The following MFSD2A variants were observed in gnomAD, a reference collection of about 807,000 sequenced individuals.
The protein encoded by MFSD2A is sodium-dependent lysophosphatidylcholine symporter 1.
A neutral mutation model predicts 64.7 loss-of-function variants in MFSD2A; 27 were observed. The observed-to-expected ratio is 0.42, with a 90% CI of 0.31 to 0.58. The LOEUF (loss-of-function observed/expected upper bound fraction) is 0.58. Among genes scored for constraint, MFSD2A ranks in the 20% least tolerant of loss-of-function variants. The pLI is 0.18. For missense variants in MFSD2A, 474 were observed against 679.5 expected (o/e 0.70, Z 3.36); for synonymous variants, 258 against 273.4 (o/e 0.94, Z 0.55).
intron 3 of MFSD2A, among the ~76,000 whole-genome samples, chr1:39,959,323 C>G (rs1644988128): frequency 1.3e-5 from 2 of 151,654 alleles, no homozygotes; most frequent in South Asian, 4.2e-4. Context: ...TCATAACTCA[C>G]TGCAGCCTAG....
rs762141955 is a variant in MFSD2A, at chr1:39,968,573, G to T, written c.1357G>T (p.Ala453Ser). 12 of 1,614,152 alleles carry T rather than the reference G, an allele frequency of 7.4e-6. No homozygotes were observed. The highest frequency in any genetic ancestry group is 1.0e-5 in the Non-Finnish European group (12 of 1,180,024). The change falls in exon 13 of 14, where the codon GCA (alanine) becomes TCA (serine). Residue 453 changes from alanine to serine, a missense_variant. By Grantham distance (99) the Ala-to-Ser change is moderately conservative. Coordinates refer to ENST00000372811, the MANE Select transcript of MFSD2A (RefSeq NM_032793.5). The surrounding 1 kb of genome is among the most constrained non-coding windows in gnomAD (Gnocchi z 4.4). ...CCTACCCCCTGGGTCCCATAGCTTT[G>T]CAGGGTACCAGACCCGTGGCTGCTC... ...LGISTLSLDF[A>S]GYQTRGCSQP...
Position 39,966,840 on chromosome 1 carries a change from A to G in MFSD2A, c.835A>G (p.Ile279Val), listed in dbSNP as rs769228171. ...EPYEAQQSEP[I>V]AYFRGLRLVM... Reference sequence around the variant, plus strand: ...CTATGAAGCCCAGCAGTCTGAGCCAATCGCCTACTTCCGGGGCCTACGGCT... The same window carrying G: ...CTATGAAGCCCAGCAGTCTGAGCCAGTCGCCTACTTCCGGGGCCTACGGCT... The change falls in exon 8 of 14, where the codon ATC becomes GTC. Residue 279 changes from isoleucine to valine, a missense_variant. By Grantham distance (29) the Ile-to-Val change is conservative (BLOSUM62 3). Transcript: ENST00000372811. 1.2e-6 allele frequency: 2 copies of G among 1,613,916 alleles called. No individual in the cohort carries two copies. Among genetic ancestry groups the G allele is most frequent in the African/African-American group, 1.3e-5 (1 of 74,896 alleles).
chr1:39,969,194 C>T (rs1301056317), intron 13 of MFSD2A, among the ~76,000 whole-genome samples: 1 of 152,210 alleles, frequency 6.6e-6, no homozygotes, highest in East Asian at 1.9e-4. Context: ...CATCAGCCTC[C>T]TGGCATATAG....
intron 1 of MFSD2A, 26 bp from the exon 2 acceptor site, chr1:39,957,061 C>T: frequency 1.2e-6 from 2 of 1,613,548 alleles, no homozygotes; most frequent in East Asian, 4.5e-5. Flanking sequence ...AACCTTGGGC[C>T]TTTCATCTTT....
chr1:39,961,872 C>A (rs755222926), intron 3 of MFSD2A, among the ~76,000 whole-genome samples: 14 of 152,126 alleles, frequency 9.2e-5, no homozygotes, highest in Non-Finnish European at 1.8e-4. Context: ...GTGTGAGAGA[C>A]CAGATGTCAA....
chr1:39,968,268 CT>C lies in MFSD2A; in HGVS notation c.1209-65del. 6.2e-7 allele frequency: 1 copy of C among 1,605,172 alleles called. No homozygotes were observed. Among genetic ancestry groups the C allele is most frequent in the East Asian group, 2.2e-5 (1 of 44,770 alleles). On this transcript the variant is annotated intron_variant, in intron 11 of 13. Transcript: ENST00000372811. The surrounding 1 kb of genome is among the most constrained non-coding windows in gnomAD (Gnocchi z 4.4). ...GTACTGCAAGCTTCCAGAGGGCCAC[CT>C]CTTCTCATTAACACAGAGGCCCGTT...
intron 3 of MFSD2A, among the ~76,000 whole-genome samples, chr1:39,962,232 T>C (rs941590231): frequency 6.6e-6 from 1 of 152,306 alleles, no homozygotes. Flanking sequence ...CGCACCTATC[T>C]GAAGACCTTT....
At chr1:39,957,451 G>C (rs1270687465) in intron 2 of MFSD2A, among the ~76,000 whole-genome samples, 2 of 152,224 alleles carry the variant, frequency 1.3e-5, no homozygotes, top group African/African-American at 2.4e-5. Context: ...ACTCCTCCTT[G>C]CCTGGCATGA....
At position 39,965,757 on chromosome 1, in the gene MFSD2A, C is replaced by G; in HGVS notation, c.557-100C>G. On this transcript the variant is annotated intron_variant, in intron 5 of 13. Coordinates refer to ENST00000372811, the MANE Select transcript of MFSD2A (RefSeq NM_032793.5). The surrounding 1 kb of genome is among the most constrained non-coding windows in gnomAD (Gnocchi z 5.5). ...TCACCTACCCCACTACCTCTACCCA[C>G]CCTGCCTGGAGCTACCGCTGGGCTC... The G allele has an allele frequency of 6.7e-7, 1 of 1,491,694 alleles. No individual in the cohort carries two copies. Among genetic ancestry groups the G allele is most frequent in the Non-Finnish European group, 9.2e-7 (1 of 1,088,144 alleles). 92.4% of individuals were successfully genotyped at this position (1,491,694 alleles called of 1,614,324 possible).
At position 39,955,364 on chromosome 1, in the gene MFSD2A, T is replaced by C; in HGVS notation, c.72T>C (p.Thr24=). 1 of 1,495,250 alleles carries C rather than the reference T, an allele frequency of 6.7e-7. No homozygotes were observed. Among genetic ancestry groups the C allele is most frequent in the South Asian group, 1.4e-5 (1 of 73,098 alleles). The allele number at this position is 1,495,250 out of a possible 1,614,324, so 92.6% of individuals were successfully genotyped here. A position where few individuals can be genotyped will look rare whatever the true frequency, so the allele number is the denominator to read the frequency against. ...GLLPTSILQS[T]ERPAQVKKEP... is the part of the protein sequence containing the mutation. ...TACCCACCAGCATCCTCCAAAGCAC[T>C]GAACGCCCGGCCCAGGTGAAGGTGA... The change falls in exon 1 of 14, where the codon ACT becomes ACC. Residue 24 remains threonine, a synonymous_variant. Coordinates refer to ENST00000372811, the MANE Select transcript of MFSD2A (RefSeq NM_032793.5). This position sits in a 1 kb window ranked among gnomAD's most constrained non-coding sequence, Gnocchi z 5.9.
rs949238583 is a variant in MFSD2A at position 39,968,741 on chromosome 1, C to T, written c.1525C>T (p.Leu509=). Residue 509 remains leucine, a synonymous_variant, in exon 13 of 14, where the codon CTG becomes TTG. Coordinates refer to ENST00000372811, the MANE Select transcript of MFSD2A (RefSeq NM_032793.5). The surrounding 1 kb of genome is among the most constrained non-coding windows in gnomAD (Gnocchi z 4.4). Reference sequence around the variant, plus strand: ...GCAGAATAAGAAGGCCCTGCAGGCACTGAGGTGAGTGGGGAGGGGACAGGA... The same window carrying T: ...GCAGAATAAGAAGGCCCTGCAGGCATTGAGGTGAGTGGGGAGGGGACAGGA... ...RRQNKKALQA[L]RDEASSSGCS... 2 of 1,613,984 alleles carry T rather than the reference C, an allele frequency of 1.2e-6. No homozygotes were observed. The highest frequency in any genetic ancestry group is 1.1e-5 in the South Asian group (1 of 91,082).
Position 39,968,636 on chromosome 1 carries a change from G to T in MFSD2A, c.1420G>T (p.Val474Leu). The T allele has an allele frequency of 6.2e-7, 1 of 1,614,184 alleles. No homozygotes were observed. The highest frequency in any genetic ancestry group is 8.5e-7 in the Non-Finnish European group (1 of 1,180,030). Residue 474 changes from valine (V) to leucine (L), a missense_variant, in exon 13 of 14, where the codon GTG becomes TTG. Physicochemically the swap from Val to Leu is conservative, Grantham distance 32. Coordinates refer to ENST00000372811, the MANE Select transcript of MFSD2A (RefSeq NM_032793.5). This position sits in a 1 kb window ranked among gnomAD's most constrained non-coding sequence, Gnocchi z 4.4. ...TGTCAAGTTTACACTGAACATGCTC[G>T]TGACCATGGCTCCCATAGTTCTCAT... ...ERVKFTLNML[V>L]TMAPIVLILL...
intron 3 of MFSD2A, among the ~76,000 whole-genome samples, chr1:39,961,689 A>G (rs1328434579): frequency 1.3e-5 from 2 of 151,318 alleles, no homozygotes; most frequent in African/African-American, 2.4e-5. Flanking sequence ...AAAAAAACAC[A>G]TATATAGAGA....
chr1:39,968,894 TA>T lies in MFSD2A; in HGVS notation c.1529+151del, dbSNP rs1371165427. The stretch of plus-strand genomic sequence containing the variant: ...CTTAAGTACGCACCAGGCACTGTGT[TA>T]AGTGGTCTTACCTTTATTCAACAAA... On this transcript the variant is annotated intron_variant, in intron 13 of 13. Transcript: ENST00000372811. This position sits in a 1 kb window ranked among gnomAD's most constrained non-coding sequence, Gnocchi z 4.4. 1 of 820,038 alleles carries T rather than the reference TA, an allele frequency of 1.2e-6. No homozygotes were observed. Among genetic ancestry groups the T allele is most frequent in the African/African-American group, 1.7e-5 (1 of 58,100 alleles). The allele number at this position is 820,038 out of a possible 1,614,324, so 50.8% of individuals were successfully genotyped here. A position where few individuals can be genotyped will look rare whatever the true frequency, so the allele number is the denominator to read the frequency against.
In MFSD2A at chr1:39,963,981, T is replaced by C. The variant is rs1645099964; in HGVS notation, c.354-1230T>C. Among the ~76,000 whole-genome samples the C allele has an allele frequency of 1.3e-5, 2 of 152,182 alleles. No individual in the cohort carries two copies. Among genetic ancestry groups the C allele is most frequent in the Non-Finnish European group, 2.9e-5 (2 of 68,022 alleles). On this transcript the variant is annotated intron_variant, in intron 3 of 13. Transcript: ENST00000372811. This position sits in a 1 kb window ranked among gnomAD's most constrained non-coding sequence, Gnocchi z 4.2. ...GAACTCCTGACCTCAGGTGATCCAC[T>C]TGACTCAGTCTCCCAAAGTGCTGGG...
rs146512748 is a variant in MFSD2A, at chr1:39,966,676, G to A, written c.790G>A (p.Val264Met). 7.2e-5 allele frequency: 116 copies of A among 1,613,900 alleles called. No homozygotes were observed. The highest frequency in any genetic ancestry group is 1.3e-4 in the South Asian group (12 of 91,056). Residue 264 changes from valine to methionine, a missense_variant, in exon 7 of 14, where the codon GTG (valine) becomes ATG (methionine). Physicochemically the swap from Val to Met is conservative, Grantham distance 21. Transcript: ENST00000372811. The stretch of plus-strand genomic sequence containing the variant: ...CTGTGCTGTCATCCTGATCCTGGGC[G>A]TGCGGGAGCAGAGAGGTAAGGGGGT... Reference protein sequence around the residue: ...IICAVILILGVREQREPYEAQ... With the variant: ...IICAVILILGMREQREPYEAQ...
chr1:39,966,143 A>G (rs772701944), intron 6 of MFSD2A, 129 bp downstream of exon 6: 8 of 1,054,608 alleles, frequency 7.6e-6, no homozygotes, highest in Non-Finnish European at 9.5e-6. Flanking sequence ...ATAACAATTA[A>G]TGCACCCAAT....
At position 39,955,398 on chromosome 1, in the gene MFSD2A, C is replaced by A; in HGVS notation, c.93+13C>A. Reference sequence around the variant, plus strand: ...GGCCCAGGTGAAGGTGAGGGCCCGGCACCCCGCGTGGAGGGCGAGGGGAGG... The same window carrying A: ...GGCCCAGGTGAAGGTGAGGGCCCGGAACCCCGCGTGGAGGGCGAGGGGAGG... On this transcript the variant is annotated intron_variant, in intron 1 of 13. Coordinates refer to ENST00000372811, the MANE Select transcript of MFSD2A (RefSeq NM_032793.5). The surrounding 1 kb of genome is among the most constrained non-coding windows in gnomAD (Gnocchi z 5.9). The A allele has an allele frequency of 6.6e-7, 1 of 1,511,532 alleles. No homozygotes were observed. Among genetic ancestry groups the A allele is most frequent in the Non-Finnish European group, 8.8e-7 (1 of 1,130,090 alleles). 93.6% of individuals were successfully genotyped at this position (1,511,532 alleles called of 1,614,324 possible).
chr1:39,956,129 C>T (rs552796263), intron 1 of MFSD2A, among the ~76,000 whole-genome samples: 1 of 152,332 alleles, frequency 6.6e-6, no homozygotes, highest in East Asian at 1.9e-4. Flanking sequence ...CCTGGGCAAC[C>T]CAACCTCCCT....
Sources: allele counts gnomAD v4.1 joint callset (sites outside exome capture counted in the v4.1 genomes callset), GRCh38; gene constraint gnomAD v4.1.1; non-coding constraint Gnocchi (gnomAD v3.1); transcripts MANE v1.5; gene names NCBI Gene and HGNC (gene_info 2026-07-23, HGNC 2026-07-21).